The following IARS1 variants were observed in gnomAD, a reference collection of about 807,000 sequenced individuals.
IARS1 encodes the protein isoleucyl-tRNA synthetase 1.
A neutral mutation model predicts 168.2 loss-of-function variants in IARS1; 124 were observed. That is an observed-to-expected ratio of 0.74 (90% confidence interval 0.64 to 0.86). The LOEUF (loss-of-function observed/expected upper bound fraction) is 0.86. IARS1 is among the 40% of genes least tolerant of loss of function. The pLI is 0.00. For missense variants in IARS1, 1,452 were observed against 1,515.8 expected, an observed-to-expected ratio of 0.96 and a Z score of 0.70; for synonymous variants, 532 against 529.4, an observed-to-expected ratio of 1.00 and a Z score of -0.07.
chr9:92,259,913 A>C (rs1000642146), intron 18 of IARS1, among the ~76,000 whole-genome samples: 8 of 152,180 alleles, frequency 5.3e-5, no homozygotes, highest in African/African-American at 1.9e-4. Flanking sequence ...CAGCTCAACA[A>C]CACCCAACAC....
intron 30 of IARS1, chr9:92,240,588 CTTA>C (rs1472859685): frequency 2.1e-5 from 14 of 651,858 alleles, no homozygotes; most frequent in Non-Finnish European, 3.9e-5. Flanking sequence ...GAGGCAGGAT[CTTA>C]TTATGTTGGC....
chr9:92,279,736 C>T (rs1161588083), intron 7 of IARS1, among the ~76,000 whole-genome samples: 1 of 152,156 alleles, frequency 6.6e-6, no homozygotes, highest in Non-Finnish European at 1.5e-5. Flanking sequence ...TTACCATTAT[C>T]AATACCCTAA....
intron 30 of IARS1, among the ~76,000 whole-genome samples, chr9:92,234,943 A>C (rs1827264602): frequency 6.6e-6 from 1 of 151,784 alleles, no homozygotes; most frequent in South Asian, 2.1e-4. Context: ...TCCCAGGTTC[A>C]AGTGATTCTC....
chr9:92,227,410 ACAGGGCGGCTGGCCGGGCGGGGGGCTGAC>A, intron 31 of IARS1, among the ~76,000 whole-genome samples: 1 of 140,162 alleles, frequency 7.1e-6, no homozygotes, highest in Non-Finnish European at 1.6e-5. Flanking sequence ...CACCTCCCGG[ACAGGGCGGCTGGCCGGGCGGGGGGCTGAC>A]CCCCCCACCT....
At chr9:92,225,284 C>T (rs1430605419) in intron 31 of IARS1, among the ~76,000 whole-genome samples, 4 of 152,204 alleles carry the variant, frequency 2.6e-5, no homozygotes, top group African/African-American at 7.2e-5. Flanking sequence ...CACATAGCAT[C>T]GCTTGACCAG....
chr9:92,220,443 AAAT>A (rs1377558463), intron 33 of IARS1, among the ~76,000 whole-genome samples: 3 of 151,964 alleles, frequency 2.0e-5, no homozygotes, highest in African/African-American at 7.3e-5. Flanking sequence ...AATCATAAAA[AAAT>A]AATAAAATAA....
intron 30 of IARS1, 81 bp from the exon 31 acceptor site, chr9:92,229,207 A>G (rs991467787): frequency 6.2e-6 from 9 of 1,449,626 alleles, no homozygotes; most frequent in Non-Finnish European, 8.5e-6. Flanking sequence ...AAAGGGATAC[A>G]AAGGGGTTCA....
chr9:92,222,322 C>T (rs1227031948), intron 33 of IARS1, among the ~76,000 whole-genome samples, 198 bp downstream of exon 33: 5 of 65,068 alleles, frequency 7.7e-5, no homozygotes, highest in Admixed American at 5.3e-4. Flanking sequence ...GCCTGGGAGA[C>T]AAAGTGAGAC....
chr9:92,241,580 G>A (rs1383427773), intron 29 of IARS1, among the ~76,000 whole-genome samples: 2 of 152,118 alleles, frequency 1.3e-5, no homozygotes, highest in African/African-American at 2.4e-5. Flanking sequence ...GACCTCAAGC[G>A]ATCTGCTCGC....
chr9:92,210,638 A>C lies in IARS1; in HGVS notation c.*169T>G. On this transcript the variant is annotated 3_prime_UTR_variant, in exon 34 of 34. Coordinates refer to ENST00000443024, the MANE Select transcript of IARS1 (RefSeq NM_002161.6). ...AGTGTGAAGATTACTGTGAGGTCTCAAGTTACTTGACTAATCAATCCCATT... is the reference window on the plus strand; with the variant it reads ...AGTGTGAAGATTACTGTGAGGTCTCCAGTTACTTGACTAATCAATCCCATT... The C allele has an allele frequency of 1.8e-6, 1 of 561,956 alleles. No individual in the cohort carries two copies. The highest frequency in any genetic ancestry group is 2.5e-5 in the South Asian group (1 of 39,656). The allele number at this position is 561,956 out of a possible 1,614,324, so 34.8% of individuals were successfully genotyped here.
intron 10 of IARS1, among the ~76,000 whole-genome samples, chr9:92,272,964 GAT>G (rs1366551321): frequency 3.3e-5 from 5 of 149,504 alleles, no homozygotes; most frequent in Admixed American, 3.3e-4. Context: ...ATTGAGAATA[GAT>G]ATATGAGATA....
At chr9:92,245,680 T>C (rs1829079894) in intron 26 of IARS1, among the ~76,000 whole-genome samples, 1 of 152,228 alleles carries the variant, frequency 6.6e-6, no homozygotes, top group Non-Finnish European at 1.5e-5. Context: ...TTTGTCTCTG[T>C]GTTCTGAAGA....
intron 30 of IARS1, among the ~76,000 whole-genome samples, chr9:92,233,488 C>T (rs1337824859): frequency 6.6e-6 from 1 of 152,212 alleles, no homozygotes; most frequent in Non-Finnish European, 1.5e-5. Flanking sequence ...GTACAGGTTT[C>T]TGATGTTAAG....
In IARS1 at chr9:92,256,712, G is replaced by A. The variant is rs1281781082; in HGVS notation, c.2105C>T (p.Ser702Phe). 1 of 1,613,894 alleles carries A rather than the reference G, an allele frequency of 6.2e-7. No homozygotes were observed. Among genetic ancestry groups the A allele is most frequent in the East Asian group, 2.2e-5 (1 of 44,866 alleles). ...TDRWILSFMQ[S>F]LIGFFETEMA... ...TTCAGTCTCAAAGAAGCCAATGAGAGACTGCATGAAGGACAGGATCCACCG... is the reference window on the plus strand; with the variant it reads ...TTCAGTCTCAAAGAAGCCAATGAGAAACTGCATGAAGGACAGGATCCACCG... The change falls in exon 20 of 34, where the codon TCT becomes TTT. Residue 702 changes from serine (S) to phenylalanine (F), a missense_variant. Ser to Phe is a radical substitution (Grantham distance 155). Transcript: ENST00000443024.
rs577331938 is a variant in IARS1, at chr9:92,245,220, G to C, written c.2792-149C>G. On this transcript the variant is annotated intron_variant, in intron 26 of 33. Coordinates refer to ENST00000443024, the MANE Select transcript of IARS1 (RefSeq NM_002161.6). ...ATCATTTCCCTCTGACTCATGTCAT[G>C]GTTGTAGCCAAGACATGACAAACTT... 2.2e-4 allele frequency: 139 copies of C among 638,006 alleles called. 1 individual carries two copies. The African/African-American group carries it at 2.4e-3, about 11-fold the overall frequency. The allele number at this position is 638,006 out of a possible 1,614,324, so 39.5% of individuals were successfully genotyped here. A position where few individuals can be genotyped will look rare whatever the true frequency, so the allele number is the denominator to read the frequency against.
Position 92,274,462 on chromosome 9 carries a change from G to A in IARS1, c.954C>T (p.Gly318=). 6.2e-7 allele frequency: 1 copy of A among 1,613,946 alleles called. No individual in the cohort carries two copies. The highest frequency in any genetic ancestry group is 8.5e-7 in the Non-Finnish European group (1 of 1,179,870). The change falls in exon 10 of 34, where the codon GGC becomes GGT. Residue 318 remains glycine, a synonymous_variant. Transcript: ENST00000443024. ...AAGGAGCTTGGTGGACAACCCCTGT[G>A]CCTTCTTCTTCCTTCACATAGTTGT... is the stretch of plus-strand genomic sequence containing the variant. The part of the protein sequence containing the change: ...LVDNYVKEEE[G]TGVVHQAPYF...
At chr9:92,245,100 A>T in intron 26 of IARS1, 29 bp from the exon 27 acceptor site, 1 of 1,570,214 alleles carries the variant, frequency 6.4e-7, no homozygotes, top group Non-Finnish European at 8.8e-7. Context: ...ACTGTTAATC[A>T]GCTTCCCCTC....
chr9:92,240,217 C>A (rs1164090654), intron 30 of IARS1: 1 of 159,242 alleles, frequency 6.3e-6, no homozygotes, highest in Non-Finnish European at 1.4e-5. Context: ...CTGCTTCATG[C>A]TTCCACAAGC....
chr9:92,271,532 C>A lies in IARS1; in HGVS notation c.1113+1G>T. On this transcript the variant is annotated splice_donor_variant, in intron 11 of 33. Transcript: ENST00000443024. LOFTEE classifies it high-confidence loss of function. ...CCTTCTATGCTATATGGATTACAGA[C>A]CTTCACATACTGTCCTGCGAAATCT... 2 of 1,614,010 alleles carry A rather than the reference C, an allele frequency of 1.2e-6. No homozygotes were observed. The highest frequency in any genetic ancestry group is 1.7e-6 in the Non-Finnish European group (2 of 1,179,900).
Sources: gnomAD v4.1 joint callset for allele counts (sites outside exome capture counted in the v4.1 genomes callset) on GRCh38, gnomAD v4.1.1 for gene constraint, MANE v1.5 for transcripts, NCBI Gene and HGNC (gene_info 2026-07-23, HGNC 2026-07-21) for gene names.